SLC44A3: variants seen among roughly 807,000 people sequenced by gnomAD.
SLC44A3 encodes the protein solute carrier family 44 member 3.
SLC44A3 carries 74 observed loss-of-function variants against 75.4 expected under a neutral mutation model. The observed-to-expected ratio is 0.98, with a 90% CI of 0.81 to 1.19. The LOEUF is 1.19. SLC44A3 is among the 50% of genes most tolerant of loss of function. The pLI is 0.00. For synonymous variants in SLC44A3, 310 were observed against 296.9 expected (o/e 1.04, Z -0.45); for missense variants, 700 against 778.6 (o/e 0.90, Z 1.20).
At chr1:94,875,119 G>A (rs1668140848) in intron 12 of SLC44A3, among the ~76,000 whole-genome samples, 1 of 152,166 alleles carries the variant, frequency 6.6e-6, no homozygotes, top group Non-Finnish European at 1.5e-5. Flanking sequence ...CTGGTGACAG[G>A]TGGATCGCAA....
In SLC44A3 at chr1:94,820,455, C is replaced by G; in HGVS notation, c.4C>G (p.His2Asp). 6.7e-7 allele frequency: 1 copy of G among 1,485,718 alleles called. No individual in the cohort carries two copies. The highest frequency in any genetic ancestry group is 8.9e-7 in the Non-Finnish European group (1 of 1,121,968). 92.0% of individuals were successfully genotyped at this position (1,485,718 alleles called of 1,614,324 possible). Residue 2 changes from histidine (H) to aspartate (D), a missense_variant, in exon 1 of 15, where the codon CAC becomes GAC. Transcript: ENST00000271227. ...GGCCCCCGCCGGCGAGCGCACGATG[C>G]ACTGCCTGGGCGCCGAGTACCTGGT... M[H>D]CLGAEYLVSA...
At chr1:94,820,613 G>A (rs1259123025) in intron 1 of SLC44A3, 135 bp downstream of exon 1, 1 of 1,366,880 alleles carries the variant, frequency 7.3e-7, no homozygotes, top group African/African-American at 1.5e-5. Flanking sequence ...TTAGTACCTT[G>A]GGGCCACCTG....
intron 5 of SLC44A3, 91 bp downstream of exon 5, chr1:94,828,677 G>C: frequency 1.7e-6 from 2 of 1,172,640 alleles, no homozygotes; most frequent in Non-Finnish European, 2.5e-6. Context: ...TTGTGGGAAG[G>C]AGATATCAGA....
At chr1:94,880,171 G>A (rs927731785) in intron 12 of SLC44A3, among the ~76,000 whole-genome samples, 4 of 152,202 alleles carry the variant, frequency 2.6e-5, no homozygotes, top group Non-Finnish European at 4.4e-5. Context: ...TTCTGTTCCT[G>A]AGTGTATAGT....
chr1:94,858,115 A>G (rs1308573643), intron 10 of SLC44A3, among the ~76,000 whole-genome samples: 1 of 151,940 alleles, frequency 6.6e-6, no homozygotes, highest in Non-Finnish European at 1.5e-5. Flanking sequence ...CCTGGCTGCC[A>G]TTCTTTTAAT....
chr1:94,872,985 C>T (rs1667926728), intron 12 of SLC44A3, among the ~76,000 whole-genome samples: 2 of 152,160 alleles, frequency 1.3e-5, no homozygotes, highest in South Asian at 4.1e-4. Flanking sequence ...GTAGAGTTGT[C>T]TGAGAATGTG....
chr1:94,889,029 G>A (rs1669918430), intron 12 of SLC44A3, among the ~76,000 whole-genome samples: 1 of 152,082 alleles, frequency 6.6e-6, no homozygotes, highest in African/African-American at 2.4e-5. Flanking sequence ...CCAAAGTGCA[G>A]GGATTACAGG....
intron 3 of SLC44A3, among the ~76,000 whole-genome samples, chr1:94,825,094 A>G (rs1557797420): frequency 6.6e-6 from 1 of 152,200 alleles, no homozygotes; most frequent in Non-Finnish European, 1.5e-5. Flanking sequence ...CACCTGGAAC[A>G]CTGGGGACCT....
At chr1:94,860,910 T>G in intron 10 of SLC44A3, among the ~76,000 whole-genome samples, 1 of 152,118 alleles carries the variant, frequency 6.6e-6, no homozygotes, top group African/African-American at 2.4e-5. Flanking sequence ...GTGGAAAGCG[T>G]CCAGTCCAAG....
intron 12 of SLC44A3, among the ~76,000 whole-genome samples, chr1:94,871,334 C>CACT (rs1344671651): frequency 6.6e-6 from 1 of 152,124 alleles, no homozygotes; most frequent in East Asian, 1.9e-4. Context: ...GTGGCCTGGC[C>CACT]CCTCCTCCTT....
chr1:94,864,580 A>G (rs1666942787), intron 10 of SLC44A3, among the ~76,000 whole-genome samples, 163 bp from the exon 11 acceptor site: 1 of 152,226 alleles, frequency 6.6e-6, no homozygotes, highest in Non-Finnish European at 1.5e-5. Flanking sequence ...AATTAATACA[A>G]GAAACAATTT....
At chr1:94,873,581 G>A (rs1667983382) in intron 12 of SLC44A3, among the ~76,000 whole-genome samples, 1 of 152,144 alleles carries the variant, frequency 6.6e-6, no homozygotes, top group Admixed American at 6.5e-5. Flanking sequence ...TGTCTTCTAA[G>A]CCTTTGCGGC....
intron 5 of SLC44A3, among the ~76,000 whole-genome samples, chr1:94,829,585 C>T (rs549479381): frequency 3.3e-5 from 5 of 152,230 alleles, no homozygotes; most frequent in African/African-American, 1.2e-4. Flanking sequence ...TGGCGAATGG[C>T]TCATGTTTAC....
Position 94,891,185 on chromosome 1 carries a change from A to G in SLC44A3, c.1538A>G (p.Asp513Gly). ...ACAGATTTCTGTACATCAGCAAAAG[A>G]TGCATTCAAAATCTTGTCCAAGAAC... The part of the protein sequence containing the change: ...NGTDFCTSAK[D>G]AFKILSKNSS... Residue 513 changes from aspartate to glycine, a missense_variant, in exon 13 of 15, where the codon GAT becomes GGT. Physicochemically the swap from Asp to Gly is moderately conservative, Grantham distance 94. Transcript: ENST00000271227. The G allele has an allele frequency of 6.2e-7, 1 of 1,613,540 alleles. No homozygotes were observed. Among genetic ancestry groups the G allele is most frequent in the Non-Finnish European group, 8.5e-7 (1 of 1,179,634 alleles).
At position 94,892,285 on chromosome 1, in the gene SLC44A3, T is replaced by C. The variant is rs763814941; in HGVS notation, c.1625T>C (p.Leu542Ser). The C allele has an allele frequency of 1.1e-5, 17 of 1,613,562 alleles. No individual in the cohort carries two copies. Among genetic ancestry groups the C allele is most frequent in the Non-Finnish European group, 1.4e-5 (17 of 1,179,742 alleles). Reference protein sequence around the residue: ...GDFIIFLGKVLVVCFTVFGGL... With the variant: ...GDFIIFLGKVSVVCFTVFGGL... The stretch of plus-strand genomic sequence containing the variant: ...ACAAACTCTTCTTTTGCACAGGTGT[T>C]AGTGGTGTGTTTCACTGTTTTTGGA... The change falls in exon 14 of 15, where the codon TTA becomes TCA. Residue 542 changes from leucine to serine, a missense_variant. Leu to Ser is a moderately radical substitution (Grantham distance 145). Transcript: ENST00000271227.
chr1:94,894,508 CTT>C (rs559258636), intron 14 of SLC44A3, among the ~76,000 whole-genome samples: 15 of 152,334 alleles, frequency 9.8e-5, no homozygotes, highest in Non-Finnish European at 2.1e-4. Flanking sequence ...GCCCAACAGA[CTT>C]TGTTCCCAGC....
intron 3 of SLC44A3, among the ~76,000 whole-genome samples, chr1:94,824,858 A>G (rs77457103): frequency 2.6e-5 from 4 of 152,222 alleles, no homozygotes; most frequent in Non-Finnish European, 5.9e-5. Flanking sequence ...GATCTTGGGC[A>G]GAGTACTTAA....
At chr1:94,847,920 G>A (rs1022423700) in intron 9 of SLC44A3, among the ~76,000 whole-genome samples, 2 of 152,178 alleles carry the variant, frequency 1.3e-5, no homozygotes, top group African/African-American at 2.4e-5. Flanking sequence ...GGGATCCAAA[G>A]CTAGGAAATA....
At chr1:94,829,138 C>T (rs1661771487) in intron 5 of SLC44A3, among the ~76,000 whole-genome samples, 1 of 151,940 alleles carries the variant, frequency 6.6e-6, no homozygotes, top group African/African-American at 2.4e-5. Context: ...CAAAAATTAG[C>T]CGGGTGTGGT....
Sources: gnomAD v4.1 joint callset for allele counts (sites outside exome capture counted in the v4.1 genomes callset) on GRCh38, gnomAD v4.1.1 for gene constraint, MANE v1.5 for transcripts, NCBI Gene and HGNC (gene_info 2026-07-23, HGNC 2026-07-21) for gene names.